The following AGBL1 variants were observed in gnomAD, a reference collection of about 807,000 sequenced individuals.
AGBL1 encodes AGBL carboxypeptidase 1, also known as cytosolic carboxypeptidase 4.
AGBL1 carries 130 observed loss-of-function variants against 118.9 expected under a neutral mutation model. The ratio of observed to expected loss-of-function variants is 1.09; its 90% CI spans 0.95 to 1.26. The LOEUF is 1.26. AGBL1 is among the 50% of genes most tolerant of loss of function. The pLI, the probability that AGBL1 is intolerant of heterozygous loss-of-function variation, is 0.00. For synonymous variants in AGBL1, 555 were observed against 478.9 expected (o/e 1.16, Z -2.08); for missense variants, 1,584 against 1,298.1 (o/e 1.22, Z -3.38).
chr15:86,346,353 T>C (rs2080537034), intron 17 of AGBL1, among the ~76,000 whole-genome samples: 1 of 150,994 alleles, frequency 6.6e-6, no homozygotes, highest in Admixed American at 6.6e-5. Context: ...CTTTTCTTTT[T>C]CTTTTTTTTT....
intron 5 of AGBL1, among the ~76,000 whole-genome samples, chr15:86,193,942 C>T (rs1416555298): frequency 2.0e-5 from 3 of 152,176 alleles, no homozygotes; most frequent in Non-Finnish European, 2.9e-5. Context: ...AGAGTATAAC[C>T]GGGGTCAGTT....
At chr15:86,420,628 A>G (rs1567248623) in intron 18 of AGBL1, among the ~76,000 whole-genome samples, 1 of 152,212 alleles carries the variant, frequency 6.6e-6, no homozygotes. Context: ...GAATTAACAG[A>G]AGGAGGCTTC....
chr15:86,616,392 G>A (rs868624938), intron 21 of AGBL1, among the ~76,000 whole-genome samples: 60 of 150,148 alleles, frequency 4.0e-4, no homozygotes, highest in African/African-American at 1.2e-3. Context: ...AAAACTTGTC[G>A]TTGGATTAGA....
intron 21 of AGBL1, among the ~76,000 whole-genome samples, chr15:86,654,646 C>A (rs562254606): frequency 6.6e-6 from 1 of 152,202 alleles, no homozygotes; most frequent in African/African-American, 2.4e-5. Flanking sequence ...TGGCAGGTGT[C>A]AGGGTAACGT....
chr15:86,681,517 G>A (rs868153843), intron 22 of AGBL1, among the ~76,000 whole-genome samples: 4 of 152,236 alleles, frequency 2.6e-5, no homozygotes, highest in Middle Eastern at 3.4e-3. Context: ...AAAGGCATTG[G>A]CCTCCTTGTA....
chr15:86,434,200 T>G (rs1315301624), intron 18 of AGBL1, among the ~76,000 whole-genome samples: 1 of 152,230 alleles, frequency 6.6e-6, no homozygotes, highest in African/African-American at 2.4e-5. Flanking sequence ...ATCACCGTGG[T>G]GAAAGCTGTT....
chr15:86,154,365 G>C (rs7161846), intron 3 of AGBL1, 65 bp from the exon 4 acceptor site: 579,029 of 1,544,102 alleles, frequency 0.37, 114,223 homozygotes, highest in African/African-American at 0.65. Context: ...TTCCTCCACT[G>C]TACTCATTGT....
At chr15:86,890,608 G>A (rs1431814332) in intron 22 of AGBL1, among the ~76,000 whole-genome samples, 1 of 152,068 alleles carries the variant, frequency 6.6e-6, no homozygotes, top group South Asian at 2.1e-4. Context: ...TCTGCACATG[G>A]CTAGCCAGTT....
intron 1 of AGBL1, among the ~76,000 whole-genome samples, chr15:86,106,593 C>T (rs1897066681): frequency 6.6e-6 from 1 of 152,224 alleles, no homozygotes; most frequent in Non-Finnish European, 1.5e-5. Flanking sequence ...GCGTCCTACT[C>T]TGCTGATTGT....
chr15:86,634,319 C>T (rs532382684), intron 21 of AGBL1, among the ~76,000 whole-genome samples: 13 of 152,130 alleles, frequency 8.5e-5, no homozygotes, highest in East Asian at 3.9e-4. Context: ...ACCCCAAAGC[C>T]GGATAACTGA....
chr15:86,848,973 A>C (rs2079357850), intron 22 of AGBL1, among the ~76,000 whole-genome samples: 1 of 152,210 alleles, frequency 6.6e-6, no homozygotes, highest in Non-Finnish European at 1.5e-5. Context: ...AATCAACTGT[A>C]GTAAAGCAAC....
At chr15:86,695,660 C>G (rs2086243445) in intron 22 of AGBL1, among the ~76,000 whole-genome samples, 1 of 151,776 alleles carries the variant, frequency 6.6e-6, no homozygotes, top group African/African-American at 2.4e-5. Flanking sequence ...GTTCTTGTTT[C>G]TCTAGTTCCT....
chr15:86,269,439 A>AT (rs2142048661), intron 13 of AGBL1, among the ~76,000 whole-genome samples: 2 of 152,296 alleles, frequency 1.3e-5, no homozygotes, highest in Admixed American at 1.3e-4. Flanking sequence ...GCACACTTGC[A>AT]TTTTTTCTAG....
intron 18 of AGBL1, among the ~76,000 whole-genome samples, chr15:86,467,842 C>T (rs1331904069): frequency 6.6e-6 from 1 of 152,168 alleles, no homozygotes; most frequent in South Asian, 2.1e-4. Flanking sequence ...GTGAGATGAA[C>T]CAGGTACCTC....
chr15:87,010,950 A>T (rs2081553364), intron 24 of AGBL1, among the ~76,000 whole-genome samples: 1 of 152,226 alleles, frequency 6.6e-6, no homozygotes, highest in Admixed American at 6.5e-5. Flanking sequence ...TGAAAAGATC[A>T]AACAGAGACA....
intron 18 of AGBL1, among the ~76,000 whole-genome samples, chr15:86,512,135 T>A (rs2083059422): frequency 6.6e-6 from 1 of 151,964 alleles, no homozygotes; most frequent in Non-Finnish European, 1.5e-5. Context: ...CACAAAACAC[T>A]ATCTTGTCTT....
At chr15:86,722,481 C>T (rs941321737) in intron 22 of AGBL1, among the ~76,000 whole-genome samples, 2 of 152,156 alleles carry the variant, frequency 1.3e-5, no homozygotes, top group African/African-American at 4.8e-5. Flanking sequence ...TGGATCCCTT[C>T]CTTACACCTT....
At chr15:86,161,460 G>C (rs2077265989) in intron 5 of AGBL1, among the ~76,000 whole-genome samples, 1 of 152,226 alleles carries the variant, frequency 6.6e-6, no homozygotes, top group African/African-American at 2.4e-5. Context: ...TTTTAAGTGA[G>C]AGAGCTGGGA....
chr15:86,769,849 A>G (rs977865370), intron 22 of AGBL1, among the ~76,000 whole-genome samples: 1 of 152,004 alleles, frequency 6.6e-6, no homozygotes, highest in African/African-American at 2.4e-5. Flanking sequence ...TTTTAAAGTC[A>G]CAAATGCAAA....
Sources: gnomAD v4.1 joint callset for allele counts (sites outside exome capture counted in the v4.1 genomes callset) on GRCh38, gnomAD v4.1.1 for gene constraint, MANE v1.5 for transcripts, NCBI Gene and HGNC (gene_info 2026-07-23, HGNC 2026-07-21) for gene names.